CCDC171: variants seen among roughly 807,000 people sequenced by gnomAD.
CCDC171 encodes coiled-coil domain containing 171.
Under a neutral mutation model 168.2 loss-of-function variants are expected in CCDC171, and 177 were observed. The ratio of observed to expected loss-of-function variants is 1.05; its 90% confidence interval spans 0.93 to 1.19. CCDC171 has a LOEUF of 1.19. Ranked by LOEUF, CCDC171 falls within the 50% of genes most tolerant of loss-of-function variation. The pLI is 0.00. For missense variants in CCDC171, 1,991 were observed against 1,539.0 expected (o/e 1.29, Z -4.91); for synonymous variants, 687 against 540.8 (o/e 1.27, Z -3.75).
intron 25 of CCDC171, among the ~76,000 whole-genome samples, chr9:15,956,822 G>A (rs1000947315): frequency 5.9e-5 from 9 of 152,126 alleles, no homozygotes; most frequent in African/African-American, 1.9e-4. Flanking sequence ...ACTTTTGAAT[G>A]TGCGTCGACC....
intron 18 of CCDC171, among the ~76,000 whole-genome samples, chr9:15,752,703 G>C (rs763271040): frequency 6.6e-6 from 1 of 152,088 alleles, no homozygotes; most frequent in Admixed American, 6.5e-5. Context: ...GAGAACACAC[G>C]GACACAGGGA....
chr9:15,821,941 A>ACTCT lies in CCDC171; in HGVS notation c.3268-24761_3268-24760insCTCT, dbSNP rs2136107272. Reference sequence around the variant, plus strand: ...CTACCTGACTTCAAACTATACAACAAGGCTACAGTAACCAAAACACCATGG... The same window carrying ACTCT: ...CTACCTGACTTCAAACTATACAACAACTCTGGCTACAGTAACCAAAACACCATGG... On this transcript the variant is annotated intron_variant, in intron 21 of 25. Coordinates refer to ENST00000380701, the MANE Select transcript of CCDC171 (RefSeq NM_173550.4). Among the ~76,000 whole-genome samples, 3 of 49,034 alleles carry ACTCT rather than the reference A, an allele frequency of 6.1e-5. 1 individual carries two copies. Among genetic ancestry groups the ACTCT allele is most frequent in the Non-Finnish European group, 1.5e-4 (3 of 19,532 alleles). The allele number at this position is 49,034 out of a possible 152,430, so 32.2% of individuals were successfully genotyped here.
chr9:15,626,726 C>T (rs1053467029), intron 7 of CCDC171, among the ~76,000 whole-genome samples: 20 of 152,290 alleles, frequency 1.3e-4, no homozygotes, highest in East Asian at 3.9e-4. Flanking sequence ...CAGTATTTTA[C>T]TGAGGATTTT....
intron 25 of CCDC171, among the ~76,000 whole-genome samples, chr9:15,956,460 C>T (rs1172270526): frequency 6.6e-6 from 1 of 152,090 alleles, no homozygotes; most frequent in African/African-American, 2.4e-5. Flanking sequence ...TTGTGTGTGG[C>T]CTCTTTATCA....
chr9:15,587,717 G>A (rs926563072), intron 4 of CCDC171: 6 of 451,010 alleles, frequency 1.3e-5, no homozygotes, highest in African/African-American at 1.0e-4. Flanking sequence ...TGTATAAACT[G>A]TATTACATTT....
chr9:15,645,564 A>T (rs1365644411), intron 7 of CCDC171, among the ~76,000 whole-genome samples: 1 of 152,228 alleles, frequency 6.6e-6, no homozygotes, highest in Non-Finnish European at 1.5e-5. Flanking sequence ...AACCTGACTG[A>T]GCTGAAAACC....
chr9:15,580,433 G>A lies in CCDC171; in HGVS notation c.352+1410G>A, dbSNP rs563645312. Among the ~76,000 whole-genome samples, 31 of 152,212 alleles carry A rather than the reference G, an allele frequency of 2.0e-4. 1 individual carries two copies. The South Asian group carries it at 6.2e-3, about 31-fold the overall frequency. On this transcript the variant is annotated intron_variant, in intron 4 of 25. Transcript: ENST00000380701. The stretch of plus-strand genomic sequence containing the variant: ...CTTTTGCACAGCAAAAGAATAGTCA[G>A]CAGAGTAAACAGACAGCACAGACTG...
intron 24 of CCDC171, among the ~76,000 whole-genome samples, chr9:15,915,604 A>G (rs1415902620): frequency 6.6e-6 from 1 of 152,026 alleles, no homozygotes; most frequent in Non-Finnish European, 1.5e-5. Flanking sequence ...GATACCTGTT[A>G]TTTTTTTCCT....
intron 6 of CCDC171, among the ~76,000 whole-genome samples, chr9:15,614,103 C>T (rs1043000063): frequency 3.3e-5 from 5 of 152,254 alleles, no homozygotes; most frequent in African/African-American, 1.2e-4. Flanking sequence ...TTAGCCTTTG[C>T]TTCCTACTTG....
At chr9:15,675,839 A>T (rs11793933) in intron 9 of CCDC171, among the ~76,000 whole-genome samples, 12,915 of 152,178 alleles carry the variant, frequency 0.085, 729 homozygotes, top group Non-Finnish European at 0.13. Context: ...TGAATCTGAC[A>T]ATCGTGCATC....
At chr9:15,692,888 G>T (rs969803227) in intron 10 of CCDC171, among the ~76,000 whole-genome samples, 1 of 148,900 alleles carries the variant, frequency 6.7e-6, no homozygotes, top group South Asian at 2.3e-4. Flanking sequence ...TGTAATCCCA[G>T]CACTTTGGGA....
chr9:16,074,466 T>C, the CCDC171 span, among the ~76,000 whole-genome samples: 1 of 152,198 alleles, frequency 6.6e-6, no homozygotes, highest in Non-Finnish European at 1.5e-5. Flanking sequence ...ATTCAGTTAG[T>C]ATACTTCCTG....
intron 18 of CCDC171, among the ~76,000 whole-genome samples, chr9:15,766,405 G>A (rs965932173): frequency 3.3e-5 from 5 of 150,438 alleles, no homozygotes; most frequent in African/African-American, 1.2e-4. Flanking sequence ...CACCATGCTT[G>A]GCTTCAATTT....
intron 23 of CCDC171, among the ~76,000 whole-genome samples, chr9:15,861,151 T>C (rs367845093): frequency 8.6e-5 from 13 of 151,990 alleles, no homozygotes; most frequent in Admixed American, 2.6e-4. Flanking sequence ...TCCAACACTT[T>C]ACTTTCAGTC....
chr9:15,908,451 AC>A (rs1454949172), intron 24 of CCDC171, among the ~76,000 whole-genome samples: 1 of 151,576 alleles, frequency 6.6e-6, no homozygotes, highest in Non-Finnish European at 1.5e-5. Flanking sequence ...TGGGAATTGA[AC>A]AATGAGAACA....
At chr9:15,939,939 T>C (rs1396095774) in intron 25 of CCDC171, among the ~76,000 whole-genome samples, 1 of 151,892 alleles carries the variant, frequency 6.6e-6, no homozygotes, top group African/African-American at 2.4e-5. Context: ...TGATAACTTC[T>C]ACACTTTGTA....
chr9:15,869,357 T>G (rs2061929446), intron 23 of CCDC171, among the ~76,000 whole-genome samples: 1 of 151,956 alleles, frequency 6.6e-6, no homozygotes, highest in Non-Finnish European at 1.5e-5. Flanking sequence ...ATTGACACAC[T>G]TTGATGCTTC....
Position 15,784,537 on chromosome 9 carries a change from G to C in CCDC171, c.3110G>C (p.Ser1037Thr). ...TTGATCACCCATGAGAAGTTTGAAA[G>C]TGCATGTGAAGAACTAAATAATGCA... The part of the protein sequence containing the change: ...SKLITHEKFE[S>T]ACEELNNALL... Residue 1037 changes from serine (S) to threonine (T), a missense_variant, in exon 21 of 26, where the codon AGT becomes ACT. Physicochemically the swap from Ser to Thr is moderately conservative, Grantham distance 58. Transcript: ENST00000380701. 1.9e-6 allele frequency: 3 copies of C among 1,613,042 alleles called. No individual in the cohort carries two copies. Among genetic ancestry groups the C allele is most frequent in the Non-Finnish European group, 2.5e-6 (3 of 1,179,376 alleles).
intron 24 of CCDC171, among the ~76,000 whole-genome samples, chr9:15,877,828 A>T (rs1477309512): frequency 6.6e-6 from 1 of 152,206 alleles, no homozygotes; most frequent in East Asian, 1.9e-4. Context: ...ACAATTTTTC[A>T]ATAATTATGA....
Sources: allele counts gnomAD v4.1 joint callset (sites outside exome capture counted in the v4.1 genomes callset), GRCh38; gene constraint gnomAD v4.1.1; transcripts MANE v1.5; gene names NCBI Gene and HGNC (gene_info 2026-07-23, HGNC 2026-07-21).